The following SKAP1 variants were observed in gnomAD, a reference collection of about 807,000 sequenced individuals.
SKAP1 encodes src kinase associated phosphoprotein 1, also known as src kinase-associated phosphoprotein 1.
SKAP1 carries 44 observed loss-of-function variants against 58.5 expected under a neutral mutation model. The observed-to-expected ratio is 0.75, with a 90% CI of 0.59 to 0.97. The LOEUF is 0.97. Among genes scored for constraint, SKAP1 ranks in the 50% least tolerant of loss-of-function variants. The pLI is 0.00. For missense variants in SKAP1, 390 were observed against 435.2 expected, an observed-to-expected ratio of 0.90 and a Z score of 0.92; for synonymous variants, 127 against 149.7, an observed-to-expected ratio of 0.85 and a Z score of 1.11.
intron 1 of SKAP1, among the ~76,000 whole-genome samples, chr17:48,410,722 T>C (rs1400217958): frequency 6.6e-6 from 1 of 150,910 alleles, no homozygotes; most frequent in African/African-American, 2.4e-5. Flanking sequence ...AGGTGAGGAG[T>C]TTGAAACCAG....
intron 4 of SKAP1, among the ~76,000 whole-genome samples, chr17:48,319,038 A>G (rs1209552570): frequency 4.6e-5 from 7 of 152,228 alleles, no homozygotes; most frequent in Non-Finnish European, 7.3e-5. Context: ...TTTTGAATAC[A>G]TGAGGTTTTG....
At chr17:48,219,308 A>G (rs966778348) in intron 4 of SKAP1, among the ~76,000 whole-genome samples, 2 of 152,242 alleles carry the variant, frequency 1.3e-5, no homozygotes, top group Non-Finnish European at 2.9e-5. Context: ...TGGCAAAAAA[A>G]CTGGCCACTG....
intron 4 of SKAP1, among the ~76,000 whole-genome samples, chr17:48,251,318 A>G (rs1408577699): frequency 6.6e-6 from 1 of 152,236 alleles, no homozygotes; most frequent in Non-Finnish European, 1.5e-5. Context: ...AAAACCAAGT[A>G]TATAGAATCA....
intron 3 of SKAP1, among the ~76,000 whole-genome samples, chr17:48,355,369 T>G (rs1414426058): frequency 1.3e-5 from 2 of 152,278 alleles, no homozygotes; most frequent in Admixed American, 6.5e-5. Flanking sequence ...CCTTGACCTC[T>G]CAGGCTCAAG....
intron 3 of SKAP1, among the ~76,000 whole-genome samples, chr17:48,353,696 G>A (rs1421863101): frequency 2.0e-5 from 3 of 152,082 alleles, no homozygotes; most frequent in Admixed American, 2.0e-4. Context: ...AGGAGTTCAA[G>A]ATCAGCCTGG....
At chr17:48,271,362 CT>C (rs35447830) in intron 4 of SKAP1, among the ~76,000 whole-genome samples, 7,730 of 106,288 alleles carry the variant, frequency 0.073, 101 homozygotes, top group Admixed American at 0.11. Context: ...TTCTTTGTTT[CT>C]TTTTTTTTTT....
chr17:48,235,433 A>T, intron 4 of SKAP1, among the ~76,000 whole-genome samples: 1 of 147,344 alleles, frequency 6.8e-6, no homozygotes, highest in Non-Finnish European at 1.5e-5. Context: ...GTTAGCTTTC[A>T]CTTTTTTTTT....
At chr17:48,331,562 G>A (rs762503842) in intron 4 of SKAP1, among the ~76,000 whole-genome samples, 1 of 152,146 alleles carries the variant, frequency 6.6e-6, no homozygotes, top group Non-Finnish European at 1.5e-5. Context: ...AGCCGGGCGT[G>A]GTGGCGCATG....
intron 4 of SKAP1, among the ~76,000 whole-genome samples, chr17:48,339,395 T>C (rs375817940): frequency 1.3e-5 from 2 of 152,088 alleles, no homozygotes; most frequent in East Asian, 3.8e-4. Flanking sequence ...TATCATAGAA[T>C]AAAAAGGAAC....
chr17:48,385,199 T>C (rs534809923), intron 2 of SKAP1, among the ~76,000 whole-genome samples: 2 of 152,136 alleles, frequency 1.3e-5, no homozygotes, highest in African/African-American at 4.8e-5. Context: ...TTGGAGAAAG[T>C]TGCTCAATAG....
intron 4 of SKAP1, among the ~76,000 whole-genome samples, chr17:48,260,342 T>A (rs2065470997): frequency 6.6e-6 from 1 of 152,172 alleles, no homozygotes; most frequent in South Asian, 2.1e-4. Flanking sequence ...TGGTCTTTAA[T>A]GAAGAATATC....
chr17:48,304,610 T>A (rs1027319515), intron 4 of SKAP1, among the ~76,000 whole-genome samples: 2 of 152,202 alleles, frequency 1.3e-5, no homozygotes, highest in African/African-American at 4.8e-5. Flanking sequence ...TAAAGTGGCT[T>A]TTTAAAGGAT....
chr17:48,214,854 GGAGGTTGCAGT>G (rs773869394), intron 4 of SKAP1, among the ~76,000 whole-genome samples: 77 of 151,358 alleles, frequency 5.1e-4, no homozygotes, highest in Non-Finnish European at 1.0e-3. Flanking sequence ...CCTGGGAGGC[GGAGGTTGCAGT>G]GAGCTGAGAT....
intron 4 of SKAP1, among the ~76,000 whole-genome samples, chr17:48,228,022 A>G (rs1294978810): frequency 1.3e-5 from 2 of 152,196 alleles, no homozygotes; most frequent in African/African-American, 2.4e-5. Context: ...TATCCTGATC[A>G]CTAATAAGTA....
chr17:48,153,389 G>A (rs910399444), intron 11 of SKAP1, among the ~76,000 whole-genome samples: 2 of 152,132 alleles, frequency 1.3e-5, no homozygotes, highest in African/African-American at 4.8e-5. Flanking sequence ...CCTGTCTGGG[G>A]GAAAGGAATG....
chr17:48,289,961 G>A (rs1191302770), intron 4 of SKAP1, among the ~76,000 whole-genome samples: 1 of 152,102 alleles, frequency 6.6e-6, no homozygotes, highest in African/African-American at 2.4e-5. Flanking sequence ...CTGAACATTA[G>A]TTTAAAATCC....
At chr17:48,359,455 T>C (rs2066911137) in intron 3 of SKAP1, among the ~76,000 whole-genome samples, 1 of 152,230 alleles carries the variant, frequency 6.6e-6, no homozygotes, top group Non-Finnish European at 1.5e-5. Context: ...AGATGTCATT[T>C]TTTAATAGTT....
chr17:48,400,143 G>T (rs2067479483), intron 1 of SKAP1, among the ~76,000 whole-genome samples: 1 of 148,920 alleles, frequency 6.7e-6, no homozygotes, highest in African/African-American at 2.5e-5. Context: ...CTGCCTCCCA[G>T]GCTGGAGTGT....
chr17:48,392,862 A>AAAT (rs2046528843), intron 2 of SKAP1, among the ~76,000 whole-genome samples: 1 of 147,194 alleles, frequency 6.8e-6, no homozygotes. Flanking sequence ...TCTCAAAAAA[A>AAAT]ATATATATAT....
Sources: gnomAD v4.1 joint callset for allele counts (sites outside exome capture counted in the v4.1 genomes callset) on GRCh38, gnomAD v4.1.1 for gene constraint, MANE v1.5 for transcripts, NCBI Gene and HGNC (gene_info 2026-07-23, HGNC 2026-07-21) for gene names.